MAD1L1: variants seen among roughly 807,000 people sequenced by gnomAD.
The protein encoded by MAD1L1 is mitotic arrest deficient 1 like 1, also known as mitotic spindle assembly checkpoint protein MAD1.
A neutral mutation model predicts 96.9 loss-of-function variants in MAD1L1; 95 were observed. The observed-to-expected ratio is 0.98, with a 90% confidence interval of 0.83 to 1.16. The LOEUF is 1.16. Ranked by LOEUF, MAD1L1 falls within the 50% of genes most tolerant of loss-of-function variation. MAD1L1 has a pLI of 0.00. For missense variants in MAD1L1, 1,007 were observed against 954.4 expected (o/e 1.06, Z -0.73); for synonymous variants, 473 against 396.6 (o/e 1.19, Z -2.29).
rs187665770 is a variant in MAD1L1, at chr7:2,084,338, G to A, written c.1074-15000C>T. 3.3e-5 allele frequency among the ~76,000 whole-genome samples: 5 copies of A among 152,372 alleles called. No individual in the cohort carries two copies. The East Asian group carries it at 7.7e-4, about 24-fold the overall frequency. ...CCACAGAGACAGCCACGGGCAGCGC[G>A]AGGCCAGGAATGCCAAGGGCCATGA... On this transcript the variant is annotated intron_variant, in intron 11 of 18. Coordinates refer to ENST00000265854, the MANE Select transcript of MAD1L1 (RefSeq NM_001013836.2).
intron 15 of MAD1L1, among the ~76,000 whole-genome samples, chr7:1,959,392 C>T (rs928615027): frequency 3.9e-5 from 6 of 152,136 alleles, no homozygotes; most frequent in African/African-American, 1.2e-4. Flanking sequence ...GAGGAAGCGA[C>T]GGGACAAATA....
intron 13 of MAD1L1, among the ~76,000 whole-genome samples, chr7:2,014,250 G>A (rs1213151764): frequency 1.3e-5 from 2 of 152,190 alleles, no homozygotes; most frequent in Non-Finnish European, 2.9e-5. Flanking sequence ...CTGTCCCTCT[G>A]TCATCCGCTT....
intron 11 of MAD1L1, among the ~76,000 whole-genome samples, chr7:2,140,034 C>T (rs1788952149): frequency 6.6e-6 from 1 of 151,638 alleles, no homozygotes; most frequent in Admixed American, 6.6e-5. Context: ...GCACAGCACG[C>T]CACAGGCCAG....
At chr7:2,007,287 G>A (rs1584058961) in intron 13 of MAD1L1, among the ~76,000 whole-genome samples, 1 of 152,254 alleles carries the variant, frequency 6.6e-6, no homozygotes, top group African/African-American at 2.4e-5. Context: ...TGCCACAGCG[G>A]AGCGTTCTCC....
rs560832536 is a variant in MAD1L1 at position 2,104,530 on chromosome 7, G to A, written c.1074-35192C>T. On this transcript the variant is annotated intron_variant, in intron 11 of 18. Transcript: ENST00000265854. ...CGCTCTGCCACCAGAGACAGGCTGG[G>A]CTCAAATGAGAAGGAATGAAATGCC... Among the ~76,000 whole-genome samples the A allele has an allele frequency of 7.9e-5, 12 of 152,378 alleles. No individual in the cohort carries two copies. In the South Asian group the frequency reaches 2.3e-3, roughly 29 times the overall value.
intron 18 of MAD1L1, among the ~76,000 whole-genome samples, chr7:1,853,110 G>A (rs1156419535): frequency 6.6e-6 from 1 of 152,196 alleles, no homozygotes; most frequent in Non-Finnish European, 1.5e-5. Context: ...GGAGAGCCCC[G>A]AGGAAGTGCA....
At chr7:2,067,018 C>T (rs1212186473) in intron 12 of MAD1L1, among the ~76,000 whole-genome samples, 1 of 152,248 alleles carries the variant, frequency 6.6e-6, no homozygotes, top group Non-Finnish European at 1.5e-5. Flanking sequence ...CAGGCCAAGA[C>T]CCAGGCCACG....
intron 10 of MAD1L1, among the ~76,000 whole-genome samples, chr7:2,160,028 G>C (rs1034843617): frequency 4.0e-5 from 6 of 151,898 alleles, no homozygotes; most frequent in African/African-American, 1.4e-4. Flanking sequence ...AGGAATTTCA[G>C]ACCAGCCTAG....
chr7:1,964,342 G>A (rs1780071923), intron 15 of MAD1L1, among the ~76,000 whole-genome samples: 2 of 152,212 alleles, frequency 1.3e-5, no homozygotes, highest in South Asian at 2.1e-4. Flanking sequence ...GAATTGGAAT[G>A]AGCGCACGCG....
chr7:2,078,804 C>A (rs1298123575), intron 11 of MAD1L1, among the ~76,000 whole-genome samples: 1 of 152,140 alleles, frequency 6.6e-6, no homozygotes, highest in Non-Finnish European at 1.5e-5. Context: ...CAAATCTCCA[C>A]CAGAATCTGG....
intron 18 of MAD1L1, among the ~76,000 whole-genome samples, chr7:1,823,488 C>CT (rs999915061): frequency 1.3e-4 from 20 of 152,308 alleles, no homozygotes; most frequent in African/African-American, 4.1e-4. Flanking sequence ...CAGCGTCTCC[C>CT]TGCCCATCTC....
chr7:2,129,186 G>A (rs1480685698), intron 11 of MAD1L1, among the ~76,000 whole-genome samples: 2 of 152,340 alleles, frequency 1.3e-5, no homozygotes, highest in East Asian at 1.9e-4. Flanking sequence ...GGGGGAGCTG[G>A]GGCCACCAGG....
chr7:1,850,686 C>A lies in MAD1L1; in HGVS notation c.1999-34458G>T, dbSNP rs899627073. 4.6e-5 allele frequency among the ~76,000 whole-genome samples: 7 copies of A among 152,304 alleles called. No individual in the cohort carries two copies. The South Asian group carries it at 1.0e-3, about 23-fold the overall frequency. Reference sequence around the variant, plus strand: ...CCAAGTTCGCAGAGGGGAACAGGCACCCCAGGGCACAGGGCTAGCCCTGTG... The same window carrying A: ...CCAAGTTCGCAGAGGGGAACAGGCAACCCAGGGCACAGGGCTAGCCCTGTG... On this transcript the variant is annotated intron_variant, in intron 18 of 18. Transcript: ENST00000265854.
intron 15 of MAD1L1, among the ~76,000 whole-genome samples, chr7:1,975,216 G>A (rs1780580111): frequency 6.6e-6 from 1 of 152,226 alleles, no homozygotes; most frequent in African/African-American, 2.4e-5. Context: ...CCCAGGTCCT[G>A]CCCTGGGCTC....
intron 10 of MAD1L1, among the ~76,000 whole-genome samples, chr7:2,150,709 C>T (rs754207988): frequency 3.3e-5 from 5 of 152,240 alleles, no homozygotes; most frequent in South Asian, 2.1e-4. Flanking sequence ...AGATGTCCTG[C>T]GGCCTGGCCC....
chr7:1,907,200 T>C (rs1386544947), intron 17 of MAD1L1, among the ~76,000 whole-genome samples: 1 of 152,136 alleles, frequency 6.6e-6, no homozygotes, highest in Non-Finnish European at 1.5e-5. Context: ...GCCACCGCCT[T>C]GCCCCTGTCC....
intron 17 of MAD1L1, among the ~76,000 whole-genome samples, chr7:1,916,536 G>A (rs974367704): frequency 1.3e-5 from 2 of 152,222 alleles, no homozygotes; most frequent in African/African-American, 4.8e-5. Context: ...CATGGCGGGG[G>A]AGGCGGGGAC....
chr7:1,929,685 C>G (rs548467864), intron 17 of MAD1L1, among the ~76,000 whole-genome samples: 20 of 152,080 alleles, frequency 1.3e-4, no homozygotes, highest in Middle Eastern at 6.8e-3. Context: ...AAAGGGAGCT[C>G]TTGACTCTGC....
rs1020725215 is a variant in MAD1L1 at position 2,103,807 on chromosome 7, G to C, written c.1074-34469C>G. Among the ~76,000 whole-genome samples the C allele has an allele frequency of 6.6e-6, 1 of 152,196 alleles. No individual in the cohort carries two copies. The highest frequency in any genetic ancestry group is 2.4e-5 in the African/African-American group (1 of 41,454). On this transcript the variant is annotated intron_variant, in intron 11 of 18. Transcript: ENST00000265854. The surrounding 1 kb of genome is among the most constrained non-coding windows in gnomAD (Gnocchi z 4.3). ...GCACGGAGTCCCTCCGCATCCCCAGGCAGAGGGACAGTCTCACAGGTGGTG... is the reference window on the plus strand; with the variant it reads ...GCACGGAGTCCCTCCGCATCCCCAGCCAGAGGGACAGTCTCACAGGTGGTG...
Sources: gnomAD v4.1 joint callset for allele counts (sites outside exome capture counted in the v4.1 genomes callset) on GRCh38, gnomAD v4.1.1 for gene constraint, Gnocchi (gnomAD v3.1) non-coding constraint, MANE v1.5 for transcripts, NCBI Gene and HGNC (gene_info 2026-07-23, HGNC 2026-07-21) for gene names.